SMIM3: variants seen among roughly 807,000 people sequenced by gnomAD.
SMIM3 encodes the protein NGF-induced differentiation clone 67 protein.
Under a neutral mutation model 2.1 loss-of-function variants are expected in SMIM3, and 4 were observed. The observed-to-expected ratio is 1.89, with a 90% confidence interval of 0.93 to 4.31. The LOEUF (loss-of-function observed/expected upper bound fraction) is 4.31, where lower values mean the gene tolerates loss of function less well. Among genes scored for constraint, SMIM3 ranks in the 30% most tolerant of loss-of-function variants. The pLI is 0.01. For missense variants in SMIM3, 79 were observed against 77.7 expected (o/e 1.02, Z -0.06); for synonymous variants, 29 against 30.8 (o/e 0.94, Z 0.19).
In SMIM3 at chr5:150,795,736, T is replaced by C; in HGVS notation, c.*113T>C. 1 of 1,210,336 alleles carries C rather than the reference T, an allele frequency of 8.3e-7. No individual in the cohort carries two copies. Among genetic ancestry groups the C allele is most frequent in the Non-Finnish European group, 1.1e-6 (1 of 880,812 alleles). The allele number at this position is 1,210,336 out of a possible 1,614,324, so 75.0% of individuals were successfully genotyped here. On this transcript the variant is annotated 3_prime_UTR_variant, in exon 2 of 2. Transcript: ENST00000526627. ...TTTGGGGCATGGACCTGAGTTCTGG[T>C]TTTGATTCTGCCACGAGCCAGCTGT...
Position 150,795,502 on chromosome 5 carries a change from G to C in SMIM3, c.62G>C (p.Trp21Ser). ...VVLPKHILDIWVIVLIILATI... is the reference protein window; with the variant it reads ...VVLPKHILDISVIVLIILATI... ...CTTCCCAAGCACATCCTGGATATCT[G>C]GGTTATTGTCCTCATCATCCTGGCC... The change falls in exon 2 of 2, where the codon TGG (tryptophan) becomes TCG (serine). Residue 21 changes from tryptophan to serine, a missense_variant. Physicochemically the swap from Trp to Ser is radical, Grantham distance 177. Transcript: ENST00000526627. 6.2e-7 allele frequency: 1 copy of C among 1,613,738 alleles called. No individual in the cohort carries two copies. The highest frequency in any genetic ancestry group is 8.5e-7 in the Non-Finnish European group (1 of 1,179,872).
chr5:150,779,076 G>C (rs981521210), intron 1 of SMIM3, 104 bp downstream of exon 1: 1 of 447,238 alleles, frequency 2.2e-6, no homozygotes, highest in East Asian at 7.0e-5. Context: ...GGCTCCCAAC[G>C]TTCTTCTTTA....
intron 1 of SMIM3, among the ~76,000 whole-genome samples, chr5:150,783,876 T>TCACGG (rs1432439856): frequency 6.6e-6 from 1 of 151,634 alleles, no homozygotes; most frequent in Non-Finnish European, 1.5e-5. Flanking sequence ...CACGAAGCAG[T>TCACGG]CACGGCACCC....
chr5:150,791,100 C>G (rs1274094018), intron 1 of SMIM3, among the ~76,000 whole-genome samples: 1 of 152,116 alleles, frequency 6.6e-6, no homozygotes, highest in Admixed American at 6.5e-5. Flanking sequence ...CCTCTTATTC[C>G]TAGTCCAGCT....
chr5:150,786,191 C>T (rs1379460788), intron 1 of SMIM3, among the ~76,000 whole-genome samples: 5 of 152,128 alleles, frequency 3.3e-5, no homozygotes, highest in Admixed American at 1.3e-4. Flanking sequence ...CTAATTCTCT[C>T]TTTTACTATG....
At chr5:150,780,844 G>T (rs1753225855) in intron 1 of SMIM3, among the ~76,000 whole-genome samples, 1 of 152,082 alleles carries the variant, frequency 6.6e-6, no homozygotes, top group South Asian at 2.1e-4. Flanking sequence ...TAAAAAATGG[G>T]CACGTGTACT....
At chr5:150,782,550 C>T (rs559410063) in intron 1 of SMIM3, among the ~76,000 whole-genome samples, 1 of 152,040 alleles carries the variant, frequency 6.6e-6, no homozygotes, top group South Asian at 2.1e-4. Flanking sequence ...AGTGGGAATC[C>T]TAGAGGGCTT....
chr5:150,785,130 C>T (rs1277656372), intron 1 of SMIM3, among the ~76,000 whole-genome samples: 1 of 139,678 alleles, frequency 7.2e-6, no homozygotes, highest in African/African-American at 2.9e-5. Flanking sequence ...CGTTGTTGCC[C>T]AGGCTGGAGT....
At chr5:150,794,250 T>C (rs1335114613) in intron 1 of SMIM3, among the ~76,000 whole-genome samples, 3 of 152,194 alleles carry the variant, frequency 2.0e-5, no homozygotes, top group Non-Finnish European at 2.9e-5. Flanking sequence ...ACAGCCACTA[T>C]AGAAAACAGT....
intron 1 of SMIM3, among the ~76,000 whole-genome samples, chr5:150,788,164 A>G (rs1175561475): frequency 6.6e-6 from 1 of 152,180 alleles, no homozygotes. Flanking sequence ...ATATAACTAG[A>G]AAACTTGCCA....
At chr5:150,790,249 T>TTGCTTA (rs1753336519) in intron 1 of SMIM3, among the ~76,000 whole-genome samples, 1 of 152,148 alleles carries the variant, frequency 6.6e-6, no homozygotes, top group South Asian at 2.1e-4. Context: ...CTTACAGGCT[T>TTGCTTA]TGCTTATGAA....
intron 1 of SMIM3, among the ~76,000 whole-genome samples, chr5:150,787,588 T>G (rs1144651): frequency 0.029 from 4,448 of 152,250 alleles, 91 homozygotes; most frequent in Non-Finnish European, 0.046. Context: ...GATTCCTGAG[T>G]ATGAATCCTG....
At position 150,778,853 on chromosome 5, in the gene SMIM3, C is replaced by T. The variant is rs757563115; in HGVS notation, c.-131C>T. On this transcript the variant is annotated 5_prime_UTR_variant, in exon 1 of 2. Transcript: ENST00000526627. ...GGCACGTTCCAGGAGCTGCCTAGGG[C>T]TGAGGTTCCAGGCCTGGGGGTCGCT... The T allele has an allele frequency of 2.1e-6, 1 of 484,234 alleles. No individual in the cohort carries two copies. The highest frequency in any genetic ancestry group is 2.0e-5 in the African/African-American group (1 of 50,676). 30.0% of individuals were successfully genotyped at this position (484,234 alleles called of 1,614,324 possible).
Position 150,787,148 on chromosome 5 carries a change from G to A in SMIM3, c.-12+8176G>A, listed in dbSNP as rs535824187. Reference sequence around the variant, plus strand: ...CAGTACTGCTCAGTCTCCATTCTCCGGTAGGGGAAAATGACAGGCTCTCCT... The same window carrying A: ...CAGTACTGCTCAGTCTCCATTCTCCAGTAGGGGAAAATGACAGGCTCTCCT... On this transcript the variant is annotated intron_variant, in intron 1 of 1. Transcript: ENST00000526627. Among the ~76,000 whole-genome samples, 6 of 152,146 alleles carry A rather than the reference G, an allele frequency of 3.9e-5. No homozygotes were observed. In the East Asian group the frequency reaches 9.7e-4, roughly 25 times the overall value.
In SMIM3 at chr5:150,792,810, G is replaced by A. The variant is rs78169677; in HGVS notation, c.-11-2620G>A. Among the ~76,000 whole-genome samples, 541 of 152,290 alleles carry A rather than the reference G, an allele frequency of 3.6e-3. 3 individuals are homozygous for A. Among genetic ancestry groups the A allele is most frequent in the African/African-American group, 0.01 (436 of 41,556 alleles). ...TTCCACCTTGGATTCCCAAAGTGTT[G>A]GGGTTATAGGCGTGAGCCATTGCAC... On this transcript the variant is annotated intron_variant, in intron 1 of 1. Coordinates refer to ENST00000526627, the MANE Select transcript of SMIM3 (RefSeq NM_032947.5).
rs1166798340 is a variant in SMIM3, at chr5:150,795,785, C to G, written c.*162C>G. ...GTGTGAATTTGGTCAAGGGACCTAA[C>G]TCTCTGAGTTCCAGGTTCCTTATCT... is the stretch of plus-strand genomic sequence containing the variant. On this transcript the variant is annotated 3_prime_UTR_variant, in exon 2 of 2. Transcript: ENST00000526627. 17 of 706,172 alleles carry G rather than the reference C, an allele frequency of 2.4e-5. No homozygotes were observed. The Admixed American group carries it at 4.9e-4, about 20-fold the overall frequency. 43.7% of individuals were successfully genotyped at this position (706,172 alleles called of 1,614,324 possible).
intron 1 of SMIM3, among the ~76,000 whole-genome samples, chr5:150,790,051 T>C (rs556382309): frequency 1.3e-5 from 2 of 152,284 alleles, no homozygotes; most frequent in African/African-American, 4.8e-5. Flanking sequence ...TTCTGTTTTG[T>C]TTTAGTTAGG....
rs935578638 is a variant in SMIM3, at chr5:150,788,682, G to A, written c.-11-6748G>A. Among the ~76,000 whole-genome samples, 5 of 149,606 alleles carry A rather than the reference G, an allele frequency of 3.3e-5. No homozygotes were observed. In the South Asian group the frequency reaches 8.5e-4, roughly 25 times the overall value. ...AAGAAAAAAGTTTTTTTCCTCTTTC[G>A]TAGAAACTACATTGCTTTTCCCCCC... On this transcript the variant is annotated intron_variant, in intron 1 of 1. Coordinates refer to ENST00000526627, the MANE Select transcript of SMIM3 (RefSeq NM_032947.5).
intron 1 of SMIM3, among the ~76,000 whole-genome samples, chr5:150,784,043 C>G (rs917765587): frequency 1.3e-5 from 2 of 151,654 alleles, no homozygotes; most frequent in Non-Finnish European, 2.9e-5. Flanking sequence ...CTCAGCCTCC[C>G]GAGTAGCTGG....
Sources: gnomAD v4.1 joint callset for allele counts (sites outside exome capture counted in the v4.1 genomes callset) on GRCh38, gnomAD v4.1.1 for gene constraint, MANE v1.5 for transcripts, NCBI Gene and HGNC (gene_info 2026-07-23, HGNC 2026-07-21) for gene names.